The following PDCD1LG2 variants were observed in gnomAD, a reference collection of about 807,000 sequenced individuals.
PDCD1LG2 encodes the protein B7 dendritic cell molecule.
PDCD1LG2 carries 32 observed loss-of-function variants against 28.2 expected under a neutral mutation model. The ratio of observed to expected loss-of-function variants is 1.13; its 90% CI spans 0.86 to 1.52. The LOEUF (loss-of-function observed/expected upper bound fraction) is 1.52. Among genes scored for constraint, PDCD1LG2 ranks in the 40% most tolerant of loss-of-function variants. The pLI is 0.00. For synonymous variants in PDCD1LG2, 116 were observed against 120.2 expected (o/e 0.97, Z 0.23); for missense variants, 385 against 323.8 (o/e 1.19, Z -1.45).
rs1252645996 is a variant in PDCD1LG2 at position 5,570,906 on chromosome 9, G to A, written c.*947G>A. 1 of 232,696 alleles carries A rather than the reference G, an allele frequency of 4.3e-6. No homozygotes were observed. The highest frequency in any genetic ancestry group is 8.5e-6 in the Non-Finnish European group (1 of 117,766). 14.4% of individuals were successfully genotyped at this position (232,696 alleles called of 1,614,324 possible). ...GCAATGCTAAGTAGTCAAGGCCTTT[G>A]ATAATTGGCACTATGGAAATCCTGC... On this transcript the variant is annotated 3_prime_UTR_variant, in exon 7 of 7. Transcript: ENST00000397747.
At chr9:5,555,522 T>C (rs1254892135) in intron 4 of PDCD1LG2, among the ~76,000 whole-genome samples, 1 of 152,348 alleles carries the variant, frequency 6.6e-6, no homozygotes, top group South Asian at 2.1e-4. Flanking sequence ...TAAGCTACCA[T>C]AATGAAGAGA....
In PDCD1LG2 at chr9:5,571,264, T is replaced by C. The variant is rs375190927; in HGVS notation, c.*1305T>C. The C allele has an allele frequency of 2.1e-4, 49 of 230,626 alleles. No homozygotes were observed. Among genetic ancestry groups the C allele is most frequent in the African/African-American group, 1.0e-3 (46 of 45,234 alleles). The allele number at this position is 230,626 out of a possible 1,614,324, so 14.3% of individuals were successfully genotyped here. A position where few individuals can be genotyped will look rare whatever the true frequency, so the allele number is the denominator to read the frequency against. ...AATTGTTATTCTTCAACGTTCTTTA[T>C]ATATTCTACTTTTGGGTAAGAGGTT... is the stretch of plus-strand genomic sequence containing the variant. On this transcript the variant is annotated 3_prime_UTR_variant, in exon 7 of 7. Coordinates refer to ENST00000397747, the MANE Select transcript of PDCD1LG2 (RefSeq NM_025239.4).
intron 2 of PDCD1LG2, among the ~76,000 whole-genome samples, chr9:5,526,412 T>C (rs1189610824): frequency 6.6e-6 from 1 of 152,168 alleles, no homozygotes; most frequent in Non-Finnish European, 1.5e-5. Flanking sequence ...CTATCTGATA[T>C]GCCCTTTATT....
intron 2 of PDCD1LG2, among the ~76,000 whole-genome samples, chr9:5,525,353 A>G (rs1327086553): frequency 6.6e-6 from 1 of 151,736 alleles, no homozygotes; most frequent in Non-Finnish European, 1.5e-5. Flanking sequence ...TAAAAAAAAA[A>G]AAAAAGAAAA....
At chr9:5,526,404 A>G (rs1261681706) in intron 2 of PDCD1LG2, among the ~76,000 whole-genome samples, 3 of 152,126 alleles carry the variant, frequency 2.0e-5, no homozygotes, top group Admixed American at 6.6e-5. Flanking sequence ...TCATAGCACT[A>G]TCTGATATGC....
At chr9:5,561,981 C>G (rs1816572184) in intron 5 of PDCD1LG2, among the ~76,000 whole-genome samples, 1 of 152,176 alleles carries the variant, frequency 6.6e-6, no homozygotes, top group African/African-American at 2.4e-5. Context: ...TGCAAACCCT[C>G]ATGAAAGAGA....
intron 1 of PDCD1LG2, among the ~76,000 whole-genome samples, chr9:5,513,024 C>G (rs1021427706): frequency 1.3e-5 from 2 of 152,178 alleles, no homozygotes; most frequent in Non-Finnish European, 2.9e-5. Flanking sequence ...ACAGTGACCC[C>G]CTAATTGAGA....
chr9:5,541,303 A>G (rs1271273279), intron 3 of PDCD1LG2, among the ~76,000 whole-genome samples: 3 of 152,210 alleles, frequency 2.0e-5, no homozygotes, highest in Non-Finnish European at 4.4e-5. Flanking sequence ...GAATTGGAAC[A>G]AGACAAGACA....
At chr9:5,513,687 C>G (rs1563818448) in intron 1 of PDCD1LG2, among the ~76,000 whole-genome samples, 2 of 152,340 alleles carry the variant, frequency 1.3e-5, no homozygotes. Context: ...GGTAGTCTAT[C>G]TATGCCACAG....
chr9:5,513,852 G>C (rs1056653825), intron 1 of PDCD1LG2, among the ~76,000 whole-genome samples: 71 of 152,106 alleles, frequency 4.7e-4, no homozygotes, highest in African/African-American at 1.7e-3. Flanking sequence ...TAGGACCTGG[G>C]GCAAACTCTG....
intron 1 of PDCD1LG2, among the ~76,000 whole-genome samples, chr9:5,519,320 T>C (rs1218182406): frequency 6.6e-6 from 1 of 151,942 alleles, no homozygotes; most frequent in Non-Finnish European, 1.5e-5. Flanking sequence ...CTGAAATGGG[T>C]TGGTTTGCAT....
rs570617333 is a variant in PDCD1LG2 at position 5,543,644 on chromosome 9, T to C, written c.362-5691T>C. On this transcript the variant is annotated intron_variant, in intron 3 of 6. Transcript: ENST00000397747. ...AGCAAGGCAGCAGTGAAAAGACAAC[T>C]GTACGTTTAAGCCTCTAAGGCCCAA... is the stretch of plus-strand genomic sequence containing the variant. Among the ~76,000 whole-genome samples the C allele has an allele frequency of 4.6e-5, 7 of 151,278 alleles. No homozygotes were observed. The South Asian group carries it at 1.5e-3, about 31-fold the overall frequency.
intron 4 of PDCD1LG2, among the ~76,000 whole-genome samples, chr9:5,551,783 C>G (rs1407697005): frequency 1.3e-5 from 2 of 152,214 alleles, no homozygotes; most frequent in South Asian, 4.1e-4. Flanking sequence ...GGAAATAAGG[C>G]AGGACTGCAC....
chr9:5,568,808 G>A (rs1816715886), intron 6 of PDCD1LG2, among the ~76,000 whole-genome samples: 1 of 152,158 alleles, frequency 6.6e-6, no homozygotes, highest in Admixed American at 6.6e-5. Context: ...AATTTTTAAT[G>A]GTGTGAAAAG....
chr9:5,528,919 G>A (rs974610265), intron 2 of PDCD1LG2, among the ~76,000 whole-genome samples: 2 of 152,048 alleles, frequency 1.3e-5, no homozygotes, highest in African/African-American at 2.4e-5. Context: ...CAGTAGAGTC[G>A]GGGTTTCACT....
intron 4 of PDCD1LG2, among the ~76,000 whole-genome samples, chr9:5,551,542 A>G (rs932819818): frequency 2.9e-4 from 44 of 152,336 alleles, no homozygotes; most frequent in Admixed American, 6.5e-4. Flanking sequence ...AGGTGGAAGG[A>G]CTTGTTCATC....
chr9:5,532,880 G>A (rs915054758), intron 2 of PDCD1LG2, among the ~76,000 whole-genome samples: 15 of 152,118 alleles, frequency 9.9e-5, no homozygotes, highest in Admixed American at 7.2e-4. Flanking sequence ...GTAACACCTC[G>A]TCCAGCCTCC....
Position 5,553,771 on chromosome 9 carries a change from C to T in PDCD1LG2, c.632-3847C>T, listed in dbSNP as rs529016740. 7.2e-5 allele frequency among the ~76,000 whole-genome samples: 11 copies of T among 152,294 alleles called. No individual in the cohort carries two copies. In the East Asian group the frequency reaches 9.6e-4, roughly 13 times the overall value. On this transcript the variant is annotated intron_variant, in intron 4 of 6. Coordinates refer to ENST00000397747, the MANE Select transcript of PDCD1LG2 (RefSeq NM_025239.4). ...TCTCCTAGGGTATCACTCATAAATA[C>T]AGCCATCAGGGAGATGGAGAAATCT...
At chr9:5,558,999 C>CA (rs1306158212) in intron 5 of PDCD1LG2, among the ~76,000 whole-genome samples, 22 of 152,198 alleles carry the variant, frequency 1.4e-4, no homozygotes, top group Non-Finnish European at 4.4e-5. Context: ...TATCTTCTGC[C>CA]ATTCTTCTTT....
Sources: gnomAD v4.1 joint callset for allele counts (sites outside exome capture counted in the v4.1 genomes callset) on GRCh38, gnomAD v4.1.1 for gene constraint, MANE v1.5 for transcripts, NCBI Gene and HGNC (gene_info 2026-07-23, HGNC 2026-07-21) for gene names.